Variants in TRDN observed in about 807,000 individuals in gnomAD.
TRDN encodes the protein triadin.
Under a neutral mutation model 149.7 loss-of-function variants are expected in TRDN, and 161 were observed. The observed-to-expected ratio is 1.08, with a 90% CI of 0.95 to 1.23. The LOEUF (loss-of-function observed/expected upper bound fraction) is 1.23. Ranked by LOEUF, TRDN falls within the 50% of genes most tolerant of loss-of-function variation. The pLI is 0.00. For missense variants in TRDN, 896 were observed against 823.5 expected (o/e 1.09, Z -1.08); for synonymous variants, 294 against 250.5 (o/e 1.17, Z -1.64).
At position 123,437,924 on chromosome 6, in the gene TRDN, G is replaced by A. The variant is rs74577856; in HGVS notation, c.1051+139C>T. On this transcript the variant is annotated intron_variant, in intron 12 of 40. Coordinates refer to ENST00000334268, the MANE Select transcript of TRDN (RefSeq NM_006073.4). ...TTCTTTGCCTGTTTAACTTTGTCTA[G>A]TGCAAGTTTTGCTTTGACCTTCACG... 5.0e-3 allele frequency: 3,392 copies of A among 681,998 alleles called. 141 individuals are homozygous for A. In the East Asian group the frequency reaches 0.089, roughly 18 times the overall value. The allele number at this position is 681,998 out of a possible 1,614,324, so 42.2% of individuals were successfully genotyped here. A position where few individuals can be genotyped will look rare whatever the true frequency, so the allele number is the denominator to read the frequency against.
intron 12 of TRDN, among the ~76,000 whole-genome samples, chr6:123,398,221 G>A (rs1341814625): frequency 1.3e-5 from 2 of 152,128 alleles, no homozygotes; most frequent in East Asian, 1.9e-4. Context: ...TGGTCAGGCT[G>A]GTCTCGAACT....
chr6:123,478,112 A>C (rs1777584814), intron 9 of TRDN, among the ~76,000 whole-genome samples: 1 of 152,094 alleles, frequency 6.6e-6, no homozygotes, highest in Non-Finnish European at 1.5e-5. Context: ...ATATAAGATT[A>C]AATTTTTTAC....
At chr6:123,556,083 T>C (rs1453374088) in intron 2 of TRDN, among the ~76,000 whole-genome samples, 1 of 152,168 alleles carries the variant, frequency 6.6e-6, no homozygotes, top group Non-Finnish European at 1.5e-5. Flanking sequence ...GTAATCAGAT[T>C]GTAAAATAAA....
chr6:123,261,649 A>G (rs1286176462), intron 33 of TRDN, among the ~76,000 whole-genome samples: 1 of 151,828 alleles, frequency 6.6e-6, no homozygotes, highest in South Asian at 2.1e-4. Context: ...AGTCTTACAT[A>G]ACTATTTTGA....
chr6:123,448,482 A>G (rs1295900683), intron 10 of TRDN, among the ~76,000 whole-genome samples: 1 of 151,994 alleles, frequency 6.6e-6, no homozygotes, highest in Non-Finnish European at 1.5e-5. Flanking sequence ...CTTCCCTGTC[A>G]ACCTGCATGA....
intron 12 of TRDN, among the ~76,000 whole-genome samples, chr6:123,429,728 A>G (rs749184520): frequency 5.3e-5 from 8 of 152,186 alleles, no homozygotes; most frequent in Non-Finnish European, 1.0e-4. Context: ...TTTCCCAGGA[A>G]AATTTATGAT....
At chr6:123,510,610 T>C (rs953247059) in intron 7 of TRDN, among the ~76,000 whole-genome samples, 4 of 151,096 alleles carry the variant, frequency 2.6e-5, no homozygotes, top group Middle Eastern at 7.0e-3. Flanking sequence ...ACTTTTAAAG[T>C]AAAAATATTG....
chr6:123,548,690 G>C, intron 2 of TRDN, 78 bp from the exon 3 acceptor site: 2 of 1,177,044 alleles, frequency 1.7e-6, no homozygotes. Flanking sequence ...TGTTTTTACT[G>C]ATTTGTTGTT....
At chr6:123,611,443 A>T (rs1784804367) in intron 1 of TRDN, among the ~76,000 whole-genome samples, 1 of 152,158 alleles carries the variant, frequency 6.6e-6, no homozygotes, top group Admixed American at 6.5e-5. Flanking sequence ...TTTATGTATT[A>T]TCCATTTTAT....
At chr6:123,285,969 A>G (rs1475940870) in intron 24 of TRDN, among the ~76,000 whole-genome samples, 5 of 152,272 alleles carry the variant, frequency 3.3e-5, no homozygotes, top group African/African-American at 1.2e-4. Context: ...CAAAACCACA[A>G]TATGATACCA....
chr6:123,475,477 G>A (rs535782058), intron 9 of TRDN, among the ~76,000 whole-genome samples: 1 of 101,960 alleles, frequency 9.8e-6, no homozygotes, highest in Non-Finnish European at 1.9e-5. Flanking sequence ...TCTACCAGAG[G>A]TACAAGGAGG....
chr6:123,548,732 C>A lies in TRDN; in HGVS notation c.233-120G>T, dbSNP rs141242908. 127 of 878,614 alleles carry A rather than the reference C, an allele frequency of 1.4e-4. 1 individual carries two copies. In the East Asian group the frequency reaches 3.2e-3, roughly 22 times the overall value. 54.4% of individuals were successfully genotyped at this position (878,614 alleles called of 1,614,324 possible). On this transcript the variant is annotated intron_variant, in intron 2 of 40. Coordinates refer to ENST00000334268, the MANE Select transcript of TRDN (RefSeq NM_006073.4). ...AAAAGAATATGTCAATTTCAACATT[C>A]TAAATATCTCCTGGCTACAATTTTT... is the stretch of plus-strand genomic sequence containing the variant.
In TRDN at chr6:123,304,313, C is replaced by T. The variant is rs1415567645; in HGVS notation, c.1510+12144G>A. 9.8e-5 allele frequency among the ~76,000 whole-genome samples: 14 copies of T among 142,534 alleles called. No homozygotes were observed. In the East Asian group the frequency reaches 1.0e-3, roughly 10 times the overall value. The allele number at this position is 142,534 out of a possible 152,430, so 93.5% of individuals were successfully genotyped here. Reference sequence around the variant, plus strand: ...CTGTTGCCAGACTGGAGTGCAGTGGCGCCATCTCAGCTCACTGCAACCTCC... The same window carrying T: ...CTGTTGCCAGACTGGAGTGCAGTGGTGCCATCTCAGCTCACTGCAACCTCC... On this transcript the variant is annotated intron_variant, in intron 24 of 40. Transcript: ENST00000334268.
chr6:123,437,427 AG>A (rs757525869), intron 12 of TRDN: 1 of 269,726 alleles, frequency 3.7e-6, no homozygotes, highest in South Asian at 3.3e-5. Flanking sequence ...ATGAGGAGAC[AG>A]GGTCTTCCTC....
chr6:123,521,603 A>C (rs1779685645), intron 5 of TRDN, among the ~76,000 whole-genome samples: 1 of 152,142 alleles, frequency 6.6e-6, no homozygotes, highest in Non-Finnish European at 1.5e-5. Flanking sequence ...TTCCAGCCTC[A>C]ATAAGGTAAT....
At chr6:123,613,753 GA>G (rs1784926660) in intron 1 of TRDN, among the ~76,000 whole-genome samples, 1 of 152,182 alleles carries the variant, frequency 6.6e-6, no homozygotes, top group African/African-American at 2.4e-5. Flanking sequence ...ATTGAAAGGT[GA>G]AAAAATTGTT....
chr6:123,361,185 TAGA>T (rs1446281896), intron 20 of TRDN, among the ~76,000 whole-genome samples: 2 of 152,142 alleles, frequency 1.3e-5, no homozygotes, highest in Non-Finnish European at 2.9e-5. Flanking sequence ...TTGAACACCA[TAGA>T]ATACTATGCA....
At chr6:123,385,730 TTCTA>T (rs1935249199) in intron 14 of TRDN, among the ~76,000 whole-genome samples, 4 of 152,310 alleles carry the variant, frequency 2.6e-5, no homozygotes, top group Middle Eastern at 6.8e-3. Flanking sequence ...CTCAGTGGAT[TTCTA>T]TCTTTCAGAA....
intron 6 of TRDN, among the ~76,000 whole-genome samples, chr6:123,515,521 A>T (rs955914659): frequency 4.6e-5 from 7 of 151,434 alleles, no homozygotes; most frequent in African/African-American, 1.7e-4. Context: ...TAAAAGTCAG[A>T]TTATAGGACA....
Sources: allele counts gnomAD v4.1 joint callset (sites outside exome capture counted in the v4.1 genomes callset), GRCh38; gene constraint gnomAD v4.1.1; transcripts MANE v1.5; gene names NCBI Gene and HGNC (gene_info 2026-07-23, HGNC 2026-07-21).